CD40LG: variants seen among roughly 807,000 people sequenced by gnomAD.
CD40LG encodes CD40 ligand.
A neutral mutation model predicts 17.2 loss-of-function variants in CD40LG; 1 was observed. The ratio of observed to expected loss-of-function variants is 0.06; its 90% CI spans 0.02 to 0.28. The LOEUF (loss-of-function observed/expected upper bound fraction) is 0.28. Among genes scored for constraint, CD40LG ranks in the 10% least tolerant of loss-of-function variants. The pLI is 1.00. For synonymous variants in CD40LG, 66 were observed against 74.4 expected (o/e 0.89, Z 0.58); for missense variants, 133 against 193.2 (o/e 0.69, Z 1.85).
At chrX:136,649,473 G>C (rs945105313) in intron 1 of CD40LG, among the ~76,000 whole-genome samples, 45 of 112,432 alleles carry the variant, frequency 4.0e-4, no homozygotes, top group African/African-American at 1.4e-3. Context: ...GGCCTGATGT[G>C]CTCTGTCAAT....
At chrX:136,650,131 A>G (rs1363846431) in intron 1 of CD40LG, 135 bp from the exon 2 acceptor site, 1 of 492,380 alleles carries the variant, frequency 2.0e-6, no homozygotes, top group South Asian at 3.1e-5. Context: ...AGCCAATATA[A>G]TAACTTATTA....
At chrX:136,650,141 A>T in intron 1 of CD40LG, 125 bp from the exon 2 acceptor site, 1 of 510,205 alleles carries the variant, frequency 2.0e-6, no homozygotes, top group Non-Finnish European at 3.5e-6. Context: ...ATAACTTATT[A>T]TTCTCCATTT....
intron 2 of CD40LG, among the ~76,000 whole-genome samples, chrX:136,651,894 CA>C (rs988660247): frequency 6.3e-5 from 7 of 111,525 alleles, no homozygotes; most frequent in African/African-American, 2.0e-4. Context: ...CCTCCAATGG[CA>C]GTGAGAGTGG....
At chrX:136,655,089 C>T (rs113485468) in intron 3 of CD40LG, among the ~76,000 whole-genome samples, 1,142 of 111,616 alleles carry the variant, frequency 0.01, 4 homozygotes, top group Middle Eastern at 0.041. Flanking sequence ...CTATACTACT[C>T]CAGAGAAGTC....
At chrX:136,653,851 G>A (rs1357933332) in intron 2 of CD40LG, among the ~76,000 whole-genome samples, 1 of 112,175 alleles carries the variant, frequency 8.9e-6, no homozygotes, top group African/African-American at 3.2e-5. Context: ...CCATTGAAAG[G>A]GATAGCAAAA....
In CD40LG at chrX:136,650,406, C is replaced by T. The variant is rs760503160; in HGVS notation, c.288+9C>T. The stretch of plus-strand genomic sequence containing the variant: ...TTGAAGGCTTTGTGAAGGTAAGCAG[C>T]TTAATTACTGGTAAAAGTGTCATTG... On this transcript the variant is annotated intron_variant, in intron 2 of 4. Transcript: ENST00000370629. The T allele has an allele frequency of 8.3e-7, 1 of 1,198,305 alleles. No individual in the cohort carries two copies. Among genetic ancestry groups the T allele is most frequent in the African/African-American group, 1.8e-5 (1 of 56,723 alleles).
rs1379488467 is a variant in CD40LG at position 136,650,253 on chromosome X, T to C, written c.157-13T>C. 8.6e-7 allele frequency: 1 copy of C among 1,162,303 alleles called. No individual in the cohort carries two copies. ...CGAATGACATTTATCATATCCTTGT[T>C]ATTCCAAAATAGATAGAAGATGAAA... On this transcript the variant is annotated splice_polypyrimidine_tract_variant and intron_variant, in intron 1 of 4. Coordinates refer to ENST00000370629, the MANE Select transcript of CD40LG (RefSeq NM_000074.3).
At chrX:136,654,538 C>T in intron 3 of CD40LG, 108 bp downstream of exon 3, 2 of 587,759 alleles carry the variant, frequency 3.4e-6, no homozygotes, top group Non-Finnish European at 5.8e-6. Context: ...ACTTTTAGCC[C>T]TGGAAATAAA....
chrX:136,654,992 T>C (rs1312351165), intron 3 of CD40LG, among the ~76,000 whole-genome samples: 1 of 111,418 alleles, frequency 9.0e-6, no homozygotes, highest in East Asian at 2.8e-4. Context: ...GTCCAGCCTC[T>C]GATCAAACAT....
At position 136,648,284 on chromosome X, in the gene CD40LG, T is replaced by C; in HGVS notation, c.36T>C (p.Ser12=). ...IETYNQTSPR[S]AATGLPISMK... is the part of the protein sequence containing the mutation. ...CATACAACCAAACTTCTCCCCGATC[T>C]GCGGCCACTGGACTGCCCATCAGCA... Residue 12 remains serine (S), a synonymous_variant, in exon 1 of 5, where the codon TCT becomes TCC. Transcript: ENST00000370629. 1 of 1,201,900 alleles carries C rather than the reference T, an allele frequency of 8.3e-7. No individual in the cohort carries two copies. The highest frequency in any genetic ancestry group is 1.1e-6 in the Non-Finnish European group (1 of 886,449).
chrX:136,658,491 G>C (rs1376454839), intron 4 of CD40LG, among the ~76,000 whole-genome samples: 2 of 111,666 alleles, frequency 1.8e-5, no homozygotes, highest in Non-Finnish European at 1.9e-5. Context: ...TGCTGGGGGA[G>C]GCAGATCAGG....
chrX:136,651,033 G>C (rs2076102647), intron 2 of CD40LG, among the ~76,000 whole-genome samples: 1 of 111,814 alleles, frequency 8.9e-6, no homozygotes, highest in Non-Finnish European at 1.9e-5. Context: ...CAGAGGCACA[G>C]AGGGTTCAAA....
intron 4 of CD40LG, 48 bp from the exon 5 acceptor site, chrX:136,658,991 C>A (rs1426371477): frequency 3.4e-6 from 4 of 1,182,745 alleles, no homozygotes; most frequent in Non-Finnish European, 4.6e-6. Context: ...AGAATGTGAA[C>A]CATGCTCTGC....
chrX:136,649,763 T>C (rs1241957039), intron 1 of CD40LG, among the ~76,000 whole-genome samples: 6 of 112,902 alleles, frequency 5.3e-5, no homozygotes, highest in African/African-American at 1.9e-4. Context: ...AATGCAAATG[T>C]TTTCTACAAA....
chrX:136,650,246 T>C lies in CD40LG; in HGVS notation c.157-20T>C. On this transcript the variant is annotated intron_variant, in intron 1 of 4. Coordinates refer to ENST00000370629, the MANE Select transcript of CD40LG (RefSeq NM_000074.3). ...CTCCTTCCGAATGACATTTATCATATCCTTGTTATTCCAAAATAGATAGAA... is the reference window on the plus strand; with the variant it reads ...CTCCTTCCGAATGACATTTATCATACCCTTGTTATTCCAAAATAGATAGAA... 1 of 1,142,661 alleles carries C rather than the reference T, an allele frequency of 8.8e-7. No individual in the cohort carries two copies. The highest frequency in any genetic ancestry group is 1.2e-6 in the Non-Finnish European group (1 of 834,468). The allele number at this position is 1,142,661 out of a possible 1,213,427, so 94.2% of individuals were successfully genotyped here.
chrX:136,658,218 C>T (rs2076124254), intron 4 of CD40LG, among the ~76,000 whole-genome samples: 2 of 111,519 alleles, frequency 1.8e-5, no homozygotes, highest in South Asian at 3.8e-4. Flanking sequence ...CACATCAGTA[C>T]TTTCACTTTT....
At position 136,659,522 on chromosome X, in the gene CD40LG, T is replaced by C; in HGVS notation, c.*107T>C. ...TAACTGCCTATTTATAACCCTAGGA[T>C]CCTCCTTATGGAGAACTATTTATTA... On this transcript the variant is annotated 3_prime_UTR_variant, in exon 5 of 5. Coordinates refer to ENST00000370629, the MANE Select transcript of CD40LG (RefSeq NM_000074.3). 1 of 810,378 alleles carries C rather than the reference T, an allele frequency of 1.2e-6. No individual in the cohort carries two copies. The highest frequency in any genetic ancestry group is 1.8e-6 in the Non-Finnish European group (1 of 554,021). The allele number at this position is 810,378 out of a possible 1,213,427, so 66.8% of individuals were successfully genotyped here.
rs764007305 is a variant in CD40LG at position 136,648,422 on chromosome X, C to T, written c.156+18C>T. On this transcript the variant is annotated intron_variant, in intron 1 of 4. Transcript: ENST00000370629. ...TGGACAAGGTAAGATGAACCACAAG[C>T]CTTTATTAACTAAATTTGGGGTCCT... is the stretch of plus-strand genomic sequence containing the variant. The T allele has an allele frequency of 3.3e-6, 4 of 1,197,526 alleles. No individual in the cohort carries two copies. The highest frequency in any genetic ancestry group is 4.5e-6 in the Non-Finnish European group (4 of 882,865).
intron 4 of CD40LG, 96 bp downstream of exon 4, chrX:136,656,514 G>C: frequency 1.3e-6 from 1 of 744,338 alleles, no homozygotes; most frequent in East Asian, 3.2e-5. Flanking sequence ...TTTTCCCCTG[G>C]GACCCAATTT....
Sources: allele counts gnomAD v4.1 joint callset (sites outside exome capture counted in the v4.1 genomes callset), GRCh38; gene constraint gnomAD v4.1.1; transcripts MANE v1.5; gene names NCBI Gene and HGNC (gene_info 2026-07-23, HGNC 2026-07-21).